Variants in ABTB2 observed in about 807,000 individuals in gnomAD.
The protein encoded by ABTB2 is ankyrin repeat and BTB domain containing 2, also known as ankyrin repeat and BTB/POZ domain-containing protein 2.
In ABTB2, 56 loss-of-function variants were observed where a neutral mutation model predicts 104.1. The observed-to-expected ratio is 0.54, with a 90% CI of 0.43 to 0.67. The LOEUF (loss-of-function observed/expected upper bound fraction) is 0.67, where lower values mean the gene tolerates loss of function less well. Ranked by LOEUF, ABTB2 falls within the 30% of genes least tolerant of loss-of-function variation. ABTB2 has a pLI of 0.00. For synonymous variants in ABTB2, 606 were observed against 608.2 expected (o/e 1.00, Z 0.05); for missense variants, 1,279 against 1,407.7 (o/e 0.91, Z 1.46).
At chr11:34,301,243 A>G (rs1402877090) in intron 1 of ABTB2, among the ~76,000 whole-genome samples, 1 of 152,178 alleles carries the variant, frequency 6.6e-6, no homozygotes, top group East Asian at 1.9e-4. Flanking sequence ...ACATGCTTCT[A>G]AACAGTGCTT....
chr11:34,172,933 A>G (rs1392278834), intron 4 of ABTB2, among the ~76,000 whole-genome samples: 3 of 152,218 alleles, frequency 2.0e-5, no homozygotes, highest in Non-Finnish European at 4.4e-5. Context: ...GTAGCAGACC[A>G]GCAGCTGCAG....
chr11:34,331,158 G>T (rs1448121582), intron 1 of ABTB2, among the ~76,000 whole-genome samples: 1 of 152,174 alleles, frequency 6.6e-6, no homozygotes, highest in Non-Finnish European at 1.5e-5. Context: ...CCTTCCACGT[G>T]TTGAAGAATA....
At chr11:34,352,295 G>C (rs1385455756) in intron 1 of ABTB2, among the ~76,000 whole-genome samples, 1 of 152,102 alleles carries the variant, frequency 6.6e-6, no homozygotes, top group East Asian at 1.9e-4. Flanking sequence ...TGGCCTAAAG[G>C]TCCTTAGTAG....
At chr11:34,253,160 C>G (rs1002383811) in intron 1 of ABTB2, among the ~76,000 whole-genome samples, 1 of 152,210 alleles carries the variant, frequency 6.6e-6, no homozygotes, top group Non-Finnish European at 1.5e-5. Flanking sequence ...ATCTCCACCC[C>G]CTTCTCCCAT....
rs139889173 is a variant in ABTB2, at chr11:34,343,276, ATC to A, written c.883+13423_883+13424del. ...GGCTGTGAAATGAAGGAAAGTCACC[ATC>A]CTAGGTGGGGCGAAAAGACATACTC... On this transcript the variant is annotated intron_variant, in intron 1 of 16. Coordinates refer to ENST00000435224, the MANE Select transcript of ABTB2 (RefSeq NM_145804.3). Among the ~76,000 whole-genome samples the A allele has an allele frequency of 2.6e-5, 4 of 152,272 alleles. No individual in the cohort carries two copies. The East Asian group carries it at 7.7e-4, about 29-fold the overall frequency.
In ABTB2 at chr11:34,159,326, C is replaced by A. The variant is rs771618126; in HGVS notation, c.2667G>T (p.Glu889Asp). The A allele has an allele frequency of 2.3e-5, 37 of 1,613,908 alleles. No individual in the cohort carries two copies. The highest frequency in any genetic ancestry group is 2.9e-5 in the Non-Finnish European group (34 of 1,179,962). ...AAATGTGGTACTTCATGTCGCTGAT[C>A]TCGATGGTCTTGCTGCTGTCCCCAT... is the stretch of plus-strand genomic sequence containing the variant. ...EQDGDSSKTI[E>D]ISDMKYHIFQ... Residue 889 changes from glutamate to aspartate, a missense_variant, in exon 14 of 17, where the codon GAG (glutamate) becomes GAT (aspartate). Glu to Asp is a conservative substitution (Grantham distance 45). Transcript: ENST00000435224.
intron 9 of ABTB2, 131 bp downstream of exon 9, chr11:34,164,555 A>G: frequency 8.8e-7 from 1 of 1,132,924 alleles, no homozygotes; most frequent in Non-Finnish European, 1.2e-6. Context: ...CTGGTTTACT[A>G]GCACACAGGC....
At chr11:34,343,620 G>A (rs1417732065) in intron 1 of ABTB2, among the ~76,000 whole-genome samples, 2 of 145,826 alleles carry the variant, frequency 1.4e-5, no homozygotes, top group East Asian at 1.9e-4. Flanking sequence ...GATTACAGGC[G>A]CCTGCCACCA....
intron 1 of ABTB2, among the ~76,000 whole-genome samples, chr11:34,324,943 C>T (rs191359997): frequency 2.0e-5 from 3 of 152,322 alleles, no homozygotes; most frequent in African/African-American, 4.8e-5. Flanking sequence ...TGCACTGATT[C>T]GGTCACAGTT....
At chr11:34,260,712 A>C (rs1854178828) in intron 1 of ABTB2, among the ~76,000 whole-genome samples, 1 of 152,228 alleles carries the variant, frequency 6.6e-6, no homozygotes, top group South Asian at 2.1e-4. Context: ...CTCATTTTAC[A>C]GATGTGAATA....
chr11:34,306,188 G>A (rs1479379351), intron 1 of ABTB2, among the ~76,000 whole-genome samples: 2 of 150,754 alleles, frequency 1.3e-5, no homozygotes, highest in Non-Finnish European at 2.9e-5. Context: ...CAACAGGGGA[G>A]GACAAAGCTT....
At position 34,154,213 on chromosome 11, in the gene ABTB2, G is replaced by T; in HGVS notation, c.2880+52C>A. ...GTGCAGCCACACGGCCGAGGCCCCCGTGGAGCAGAGCATGTGGTGGGAGGT... is the reference window on the plus strand; with the variant it reads ...GTGCAGCCACACGGCCGAGGCCCCCTTGGAGCAGAGCATGTGGTGGGAGGT... On this transcript the variant is annotated intron_variant, in intron 16 of 16. Transcript: ENST00000435224. This position sits in a 1 kb window ranked among gnomAD's most constrained non-coding sequence, Gnocchi z 4.9. 1 of 1,437,008 alleles carries T rather than the reference G, an allele frequency of 7.0e-7. No homozygotes were observed. The highest frequency in any genetic ancestry group is 9.8e-7 in the Non-Finnish European group (1 of 1,023,540). The allele number at this position is 1,437,008 out of a possible 1,614,324, so 89.0% of individuals were successfully genotyped here.
chr11:34,303,800 G>A (rs976004182), intron 1 of ABTB2, among the ~76,000 whole-genome samples: 3 of 151,728 alleles, frequency 2.0e-5, no homozygotes, highest in Non-Finnish European at 2.9e-5. Context: ...GTGCCTCCTC[G>A]CCCAGCTAAT....
intron 1 of ABTB2, among the ~76,000 whole-genome samples, chr11:34,302,744 C>T (rs1854722023): frequency 6.6e-6 from 1 of 152,176 alleles, no homozygotes; most frequent in African/African-American, 2.4e-5. Context: ...ACCTCTTTAG[C>T]GCTTGCGAGG....
At chr11:34,295,801 C>T (rs1854616317) in intron 1 of ABTB2, among the ~76,000 whole-genome samples, 1 of 151,758 alleles carries the variant, frequency 6.6e-6, no homozygotes, top group African/African-American at 2.4e-5. Flanking sequence ...ACTGTGTCCT[C>T]ACATGGCAGA....
Position 34,335,690 on chromosome 11 carries a change from T to G in ABTB2, c.883+21011A>C, listed in dbSNP as rs1297593453. 7.9e-6 allele frequency: 11 copies of G among 1,398,918 alleles called. No individual in the cohort carries two copies. The Admixed American group carries it at 1.7e-4, about 21-fold the overall frequency. The allele number at this position is 1,398,918 out of a possible 1,614,324, so 86.7% of individuals were successfully genotyped here. ...AACTTGTGTCTTTCACTTGATAAAGTTTCTGCTAGAACATCAGGCAAAGTT... is the reference window on the plus strand; with the variant it reads ...AACTTGTGTCTTTCACTTGATAAAGGTTCTGCTAGAACATCAGGCAAAGTT... On this transcript the variant is annotated intron_variant, in intron 1 of 16. Coordinates refer to ENST00000435224, the MANE Select transcript of ABTB2 (RefSeq NM_145804.3).
Position 34,230,523 on chromosome 11 carries a change from G to C in ABTB2, c.884-25833C>G, listed in dbSNP as rs995037767. Among the ~76,000 whole-genome samples, 5 of 152,312 alleles carry C rather than the reference G, an allele frequency of 3.3e-5. 1 individual carries two copies. The South Asian group carries it at 6.2e-4, about 19-fold the overall frequency. On this transcript the variant is annotated intron_variant, in intron 1 of 16. Transcript: ENST00000435224. Reference sequence around the variant, plus strand: ...GACTCAAAAATGGTACCTGGAACAAGGACATGGACGGGGAAGGCTCTGGTA... The same window carrying C: ...GACTCAAAAATGGTACCTGGAACAACGACATGGACGGGGAAGGCTCTGGTA...
chr11:34,174,859 G>A (rs1283533494), intron 3 of ABTB2, among the ~76,000 whole-genome samples: 2 of 152,270 alleles, frequency 1.3e-5, no homozygotes, highest in African/African-American at 4.8e-5. Flanking sequence ...CAGCCCAAAA[G>A]TCAGCCTCCC....
intron 1 of ABTB2, among the ~76,000 whole-genome samples, chr11:34,288,610 C>T (rs578231434): frequency 3.9e-5 from 6 of 152,064 alleles, no homozygotes; most frequent in Admixed American, 6.5e-5. Context: ...TGGTTGTTTT[C>T]GGCCCAGGAG....
Sources: allele counts gnomAD v4.1 joint callset (sites outside exome capture counted in the v4.1 genomes callset), GRCh38; gene constraint gnomAD v4.1.1; non-coding constraint Gnocchi (gnomAD v3.1); transcripts MANE v1.5; gene names NCBI Gene and HGNC (gene_info 2026-07-23, HGNC 2026-07-21).